Variants in NAV1 observed in about 807,000 individuals in gnomAD.
The protein encoded by NAV1 is neuron navigator 1, also known as pore membrane and/or filament interacting like protein 3.
Under a neutral mutation model 175.2 loss-of-function variants are expected in NAV1, and 18 were observed. That is an observed-to-expected ratio of 0.10 (90% CI 0.07 to 0.15). The LOEUF (loss-of-function observed/expected upper bound fraction) is 0.15. Ranked by LOEUF, NAV1 falls within the 10% of genes least tolerant of loss-of-function variation. The probability of loss-of-function intolerance (pLI) is 1.00; values close to 1 mark genes in which losing one functional copy is unlikely to be tolerated. For missense variants in NAV1, 1,731 were observed against 2,436.6 expected (o/e 0.71, Z 6.10); for synonymous variants, 897 against 978.7 (o/e 0.92, Z 1.56).
chr1:201,824,623 GA>G (rs1426140904), exon 30 of NAV1: 2 of 151,874 alleles, frequency 1.3e-5, no homozygotes, highest in Non-Finnish European at 2.9e-5. Context: ...GAAGACGGTT[GA>G]AAATTCAACC....
At chr1:201,666,912 C>G (rs1669845235) in intron 1 of NAV1, among the ~76,000 whole-genome samples, 1 of 152,064 alleles carries the variant, frequency 6.6e-6, no homozygotes, top group African/African-American at 2.4e-5. Flanking sequence ...GGATTTCTCT[C>G]AACGGAATTA....
intron 1 of NAV1, among the ~76,000 whole-genome samples, chr1:201,586,384 T>G (rs1285927020): frequency 6.6e-6 from 1 of 152,208 alleles, no homozygotes; most frequent in African/African-American, 2.4e-5. Flanking sequence ...TAGATGGTAG[T>G]GACAGTTGCA....
chr1:201,697,836 G>A (rs886148178), intron 1 of NAV1, among the ~76,000 whole-genome samples: 6 of 152,232 alleles, frequency 3.9e-5, no homozygotes, highest in African/African-American at 1.4e-4. Context: ...AGCACCCACT[G>A]TGTTTGAGGT....
Position 201,788,729 on chromosome 1 carries a change from C to A in NAV1, c.3166+91C>A. On this transcript the variant is annotated intron_variant, in intron 10 of 29. Transcript: ENST00000367296. This position sits in a 1 kb window ranked among gnomAD's most constrained non-coding sequence, Gnocchi z 5.7. The stretch of plus-strand genomic sequence containing the variant: ...TCCACTCCCACCACTCCTACCACCA[C>A]ACACATATATGATTCACAGAACATC... 1 of 1,353,956 alleles carries A rather than the reference C, an allele frequency of 7.4e-7. No individual in the cohort carries two copies. The highest frequency in any genetic ancestry group is 1.0e-6 in the Non-Finnish European group (1 of 984,398). 83.9% of individuals were successfully genotyped at this position (1,353,956 alleles called of 1,614,324 possible).
Position 201,557,138 on chromosome 1 carries a change from C to T in NAV1, c.-144+17796C>T, listed in dbSNP as rs981982414. 9.9e-5 allele frequency among the ~76,000 whole-genome samples: 15 copies of T among 152,166 alleles called. No individual in the cohort carries two copies. The East Asian group carries it at 2.1e-3, about 21-fold the overall frequency. ...AGTTGAAGATTTCTATGCATTCCCA[C>T]GGCACCAACTGTGATGGTGAAATGC... On this transcript the variant is annotated intron_variant, in intron 1 of 33. Transcript: ENST00000685211.
chr1:201,623,055 A>T, exon 1 of NAV1: 3 of 985,872 alleles, frequency 3.0e-6, no homozygotes, highest in Non-Finnish European at 3.6e-6. Context: ...CCTCCCCCAG[A>T]CTGGGAAAGG....
At chr1:201,639,994 T>C (rs1442519922) in intron 2 of NAV1, among the ~76,000 whole-genome samples, 1 of 152,062 alleles carries the variant, frequency 6.6e-6, no homozygotes, top group Non-Finnish European at 1.5e-5. Flanking sequence ...CTCCAAGGAA[T>C]GTGAGTTGTA....
intron 1 of NAV1, among the ~76,000 whole-genome samples, chr1:201,687,435 C>G (rs1004238558): frequency 1.3e-5 from 2 of 152,120 alleles, no homozygotes; most frequent in Non-Finnish European, 2.9e-5. Context: ...CAAAAGGGAC[C>G]AGGATGGATG....
Position 201,718,879 on chromosome 1 carries a change from C to A in NAV1, c.1226+124C>A. The stretch of plus-strand genomic sequence containing the variant: ...TTTGCTGTGCTGCTATGAAAGTACA[C>A]AAAAGTGTGCTGTGTACACTTTGTG... On this transcript the variant is annotated intron_variant, in intron 3 of 29. Transcript: ENST00000367296. The surrounding 1 kb of genome is among the most constrained non-coding windows in gnomAD (Gnocchi z 4.8). 8.1e-7 allele frequency: 1 copy of A among 1,230,138 alleles called. No homozygotes were observed. Among genetic ancestry groups the A allele is most frequent in the Non-Finnish European group, 1.1e-6 (1 of 874,730 alleles). 76.2% of individuals were successfully genotyped at this position (1,230,138 alleles called of 1,614,324 possible). A position where few individuals can be genotyped will look rare whatever the true frequency, so the allele number is the denominator to read the frequency against.
chr1:201,748,328 A>G (rs1315884896), intron 3 of NAV1, among the ~76,000 whole-genome samples: 6 of 152,088 alleles, frequency 3.9e-5, no homozygotes, highest in African/African-American at 9.7e-5. Flanking sequence ...TGATATTTCA[A>G]GTTGTTTCTT....
At chr1:201,795,479 C>G (rs1333685885) in intron 15 of NAV1, 3 of 152,162 alleles carry the variant, frequency 2.0e-5, no homozygotes, top group Non-Finnish European at 4.4e-5. Flanking sequence ...CCTCTCTAAT[C>G]TCTTATGCTC....
chr1:201,685,533 CTCTGTA>C (rs1244584572), intron 1 of NAV1, among the ~76,000 whole-genome samples: 2 of 152,160 alleles, frequency 1.3e-5, no homozygotes, highest in Non-Finnish European at 2.9e-5. Context: ...TGCTCATTTC[CTCTGTA>C]TCTGGTTCCC....
chr1:201,577,202 G>C (rs1666714904), intron 1 of NAV1, among the ~76,000 whole-genome samples: 3 of 152,144 alleles, frequency 2.0e-5, no homozygotes, highest in Admixed American at 6.5e-5. Context: ...CTGGTTCTTT[G>C]CTGGATATGT....
chr1:201,672,157 T>G (rs1372133585), intron 1 of NAV1, among the ~76,000 whole-genome samples: 5 of 152,192 alleles, frequency 3.3e-5, no homozygotes, highest in Non-Finnish European at 7.3e-5. Context: ...TTCTCCCACC[T>G]TGATCCTCCA....
intron 1 of NAV1, among the ~76,000 whole-genome samples, chr1:201,667,608 G>A (rs1669877907): frequency 6.6e-6 from 1 of 152,172 alleles, no homozygotes; most frequent in Admixed American, 6.5e-5. Context: ...GGAGGAGGAG[G>A]ATGCGCTGCC....
At chr1:201,715,156 T>C (rs1408591545) in intron 2 of NAV1, among the ~76,000 whole-genome samples, 1 of 147,250 alleles carries the variant, frequency 6.8e-6, no homozygotes, top group Non-Finnish European at 1.5e-5. Flanking sequence ...TCCCTGACTT[T>C]TTATGGCTCT....
chr1:201,578,136 T>C (rs978354181), intron 1 of NAV1, among the ~76,000 whole-genome samples: 2 of 152,212 alleles, frequency 1.3e-5, no homozygotes, highest in African/African-American at 4.8e-5. Context: ...GTTAGATCTT[T>C]TGTTATAGTC....
intron 3 of NAV1, among the ~76,000 whole-genome samples, chr1:201,726,684 G>C (rs1571909591): frequency 6.6e-6 from 1 of 150,984 alleles, no homozygotes; most frequent in African/African-American, 2.4e-5. Flanking sequence ...CTATTATTCT[G>C]ATCTCCATGT....
chr1:201,683,924 T>C (rs1670568607), intron 1 of NAV1, among the ~76,000 whole-genome samples: 2 of 152,098 alleles, frequency 1.3e-5, no homozygotes, highest in African/African-American at 4.8e-5. Context: ...TTGTCTCTTC[T>C]CCCCCATTCA....
Sources: gnomAD v4.1 joint callset for allele counts (sites outside exome capture counted in the v4.1 genomes callset) on GRCh38, gnomAD v4.1.1 for gene constraint, Gnocchi (gnomAD v3.1) non-coding constraint, MANE v1.5 for transcripts, NCBI Gene and HGNC (gene_info 2026-07-23, HGNC 2026-07-21) for gene names.